Variants in KCNJ4 observed in about 807,000 individuals in gnomAD.
The protein encoded by KCNJ4 is inward rectifier potassium channel 4.
KCNJ4 carries 3 observed loss-of-function variants against 25.6 expected under a neutral mutation model. The ratio of observed to expected loss-of-function variants is 0.12; its 90% CI spans 0.05 to 0.30. The LOEUF is 0.30. Among genes scored for constraint, KCNJ4 ranks in the 10% least tolerant of loss-of-function variants. KCNJ4 has a pLI of 1.00. For missense variants in KCNJ4, 286 were observed against 666.8 expected (o/e 0.43, Z 6.29); for synonymous variants, 257 against 283.9 (o/e 0.91, Z 0.95).
chr22:38,431,583 G>T (rs543303716), intron 1 of KCNJ4, among the ~76,000 whole-genome samples: 1 of 152,194 alleles, frequency 6.6e-6, no homozygotes, highest in Non-Finnish European at 1.5e-5. Flanking sequence ...CTGGAGCTTA[G>T]CAGGAAAGCT....
At position 38,426,687 on chromosome 22, in the gene KCNJ4, G is replaced by A. The variant is rs995841858; in HGVS notation, c.*108C>T. The A allele has an allele frequency of 1.7e-5, 23 of 1,360,480 alleles. No individual in the cohort carries two copies. The African/African-American group carries it at 3.4e-4, about 20-fold the overall frequency. The allele number at this position is 1,360,480 out of a possible 1,614,324, so 84.3% of individuals were successfully genotyped here. ...TTGAAACCCCCACCTTCCTCCAGAAGGTCCACGGAGCCAGGGTTGGCTCTG... is the reference window on the plus strand; with the variant it reads ...TTGAAACCCCCACCTTCCTCCAGAAAGTCCACGGAGCCAGGGTTGGCTCTG... On this transcript the variant is annotated 3_prime_UTR_variant, in exon 2 of 2. Transcript: ENST00000303592.
At chr22:38,436,565 T>C (rs1250445184) in intron 1 of KCNJ4, among the ~76,000 whole-genome samples, 1 of 152,162 alleles carries the variant, frequency 6.6e-6, no homozygotes, top group Admixed American at 6.5e-5. Flanking sequence ...GCATGCCACA[T>C]GGTGGGGGCT....
chr22:38,435,568 C>T (rs2093062990), intron 1 of KCNJ4, among the ~76,000 whole-genome samples: 1 of 152,018 alleles, frequency 6.6e-6, no homozygotes, highest in Non-Finnish European at 1.5e-5. Flanking sequence ...TGGCAAGTGC[C>T]TGTAATCCTA....
At position 38,427,623 on chromosome 22, in the gene KCNJ4, G is replaced by A. The variant is rs373351222; in HGVS notation, c.510C>T (p.Thr170=). The stretch of plus-strand genomic sequence containing the variant: ...TGGGCCGCGCCATCTTGGCCATGAT[G>A]GTGCCAATCATGAAGGAGTCGATGA... ...GCVIDSFMIG[T]IMAKMARPKK... The change falls in exon 2 of 2, where the codon ACC becomes ACT. Residue 170 remains threonine (T), a synonymous_variant. Coordinates refer to ENST00000303592, the MANE Select transcript of KCNJ4 (RefSeq NM_152868.3). 9.9e-6 allele frequency: 16 copies of A among 1,613,168 alleles called. No individual in the cohort carries two copies. The highest frequency in any genetic ancestry group is 1.3e-5 in the African/African-American group (1 of 74,918).
chr22:38,430,876 A>G (rs757248076), intron 1 of KCNJ4, among the ~76,000 whole-genome samples: 1 of 152,216 alleles, frequency 6.6e-6, no homozygotes, highest in Non-Finnish European at 1.5e-5. Context: ...ATCCAGAGAT[A>G]GGAAGGACTT....
chr22:38,441,697 G>A (rs2089335308), intron 1 of KCNJ4, among the ~76,000 whole-genome samples: 1 of 152,180 alleles, frequency 6.6e-6, no homozygotes, highest in Non-Finnish European at 1.5e-5. Context: ...CTGAGTTCGA[G>A]CCCCACTCCC....
chr22:38,446,881 G>A lies in KCNJ4; in HGVS notation c.-40+8099C>T, dbSNP rs528246672. Among the ~76,000 whole-genome samples, 49 of 152,096 alleles carry A rather than the reference G, an allele frequency of 3.2e-4. 1 individual carries two copies. In the South Asian group the frequency reaches 9.8e-3, roughly 30 times the overall value. On this transcript the variant is annotated intron_variant, in intron 1 of 1. Coordinates refer to ENST00000303592, the MANE Select transcript of KCNJ4 (RefSeq NM_152868.3). The stretch of plus-strand genomic sequence containing the variant: ...TGAGGCCAGAGAATTGCTTGAACTG[G>A]GAGGCGGAGGTTGCAGTAAGCTGAG...
Position 38,427,682 on chromosome 22 carries a change from T to C in KCNJ4, c.451A>G (p.Ile151Val). The C allele has an allele frequency of 6.2e-7, 1 of 1,612,982 alleles. No individual in the cohort carries two copies. Among genetic ancestry groups the C allele is most frequent in the South Asian group, 1.1e-5 (1 of 91,084 alleles). ...CVTEECPLAV[I>V]AVVVQSIVGC... ...ACGATGGACTGGACCACCACAGCGA[T>C]GACTGCCAGCGGGCACTCCTCTGTC... Residue 151 changes from isoleucine (I) to valine (V), a missense_variant, in exon 2 of 2, where the codon ATC becomes GTC. This residue lies in a region of KCNJ4 where 29 missense variants were observed against 107.7 expected (regional missense o/e 0.27). Coordinates refer to ENST00000303592, the MANE Select transcript of KCNJ4 (RefSeq NM_152868.3).
At chr22:38,441,958 C>T (rs1183237385) in intron 1 of KCNJ4, among the ~76,000 whole-genome samples, 1 of 152,108 alleles carries the variant, frequency 6.6e-6, no homozygotes, top group Non-Finnish European at 1.5e-5. Flanking sequence ...CAGTGATGAG[C>T]GGTGAGTATA....
At chr22:38,445,758 A>G (rs1356696619) in intron 1 of KCNJ4, among the ~76,000 whole-genome samples, 1 of 152,134 alleles carries the variant, frequency 6.6e-6, no homozygotes, top group Non-Finnish European at 1.5e-5. Flanking sequence ...AGTGCAACTC[A>G]CTAAGTCAAT....
chr22:38,450,243 C>T (rs2089402557), intron 1 of KCNJ4, among the ~76,000 whole-genome samples: 1 of 152,138 alleles, frequency 6.6e-6, no homozygotes, highest in Admixed American at 6.5e-5. Context: ...CCTAGGATTC[C>T]CGCCTGCCCC....
chr22:38,430,223 CTG>C (rs2093045487), intron 1 of KCNJ4, among the ~76,000 whole-genome samples: 1 of 152,258 alleles, frequency 6.6e-6, no homozygotes, highest in Admixed American at 6.5e-5. Context: ...ATGGGGCTGA[CTG>C]GGTGCGGTGG....
intron 1 of KCNJ4, among the ~76,000 whole-genome samples, chr22:38,438,389 CA>C (rs1424523801): frequency 7.4e-6 from 1 of 135,374 alleles, no homozygotes; most frequent in Non-Finnish European, 1.6e-5. Flanking sequence ...GACTCTGTCT[CA>C]AAAAAAGAAA....
intron 1 of KCNJ4, among the ~76,000 whole-genome samples, chr22:38,438,708 A>G (rs59628850): frequency 0.059 from 2,832 of 48,164 alleles, 104 homozygotes; most frequent in African/African-American, 0.13. Flanking sequence ...AGAAAAAAAG[A>G]AAGAAAGAAA....
At chr22:38,439,505 G>T (rs2089316642) in intron 1 of KCNJ4, among the ~76,000 whole-genome samples, 1 of 151,496 alleles carries the variant, frequency 6.6e-6, no homozygotes. Context: ...GGCCGGGCAT[G>T]GTGGTTCACG....
chr22:38,430,372 C>T (rs553441870), intron 1 of KCNJ4, among the ~76,000 whole-genome samples: 1 of 152,290 alleles, frequency 6.6e-6, no homozygotes, highest in East Asian at 1.9e-4. Flanking sequence ...GGCATGGTGG[C>T]GTGTGCCTGT....
intron 1 of KCNJ4, among the ~76,000 whole-genome samples, chr22:38,444,200 C>T (rs1046738619): frequency 2.6e-5 from 4 of 152,194 alleles, no homozygotes; most frequent in Admixed American, 6.5e-5. Context: ...AGGAACCTTG[C>T]CTCCCTACTT....
chr22:38,429,949 C>T (rs1044984426), intron 1 of KCNJ4, among the ~76,000 whole-genome samples: 2 of 152,196 alleles, frequency 1.3e-5, no homozygotes, highest in Non-Finnish European at 2.9e-5. Context: ...GCAACCGGTA[C>T]GCGCCAACGC....
At chr22:38,454,197 C>G (rs1161994452) in intron 1 of KCNJ4, among the ~76,000 whole-genome samples, 3 of 152,152 alleles carry the variant, frequency 2.0e-5, no homozygotes, top group Non-Finnish European at 2.9e-5. Context: ...CCAGGCTGCC[C>G]TGCCTCTAGC....
Sources: gnomAD v4.1 joint callset for allele counts (sites outside exome capture counted in the v4.1 genomes callset) on GRCh38, gnomAD v4.1.1 for gene constraint, gnomAD v4.1.1 regional missense constraint, MANE v1.5 for transcripts, NCBI Gene and HGNC (gene_info 2026-07-23, HGNC 2026-07-21) for gene names.